CACNG1: variants seen among roughly 807,000 people sequenced by gnomAD.
CACNG1 encodes the protein voltage-dependent calcium channel gamma-1 subunit.
CACNG1 carries 21 observed loss-of-function variants against 22.0 expected under a neutral mutation model. The ratio of observed to expected loss-of-function variants is 0.95; its 90% CI spans 0.68 to 1.37. CACNG1 has a LOEUF of 1.37. CACNG1 is among the 40% of genes most tolerant of loss of function. CACNG1 has a pLI of 0.00. For missense variants in CACNG1, 291 were observed against 308.6 expected, an observed-to-expected ratio of 0.94 and a Z score of 0.43; for synonymous variants, 127 against 129.2, an observed-to-expected ratio of 0.98 and a Z score of 0.12.
In CACNG1 at chr17:67,055,917, A is replaced by G; in HGVS notation, c.443-128A>G. On this transcript the variant is annotated intron_variant, in intron 3 of 3. Transcript: ENST00000226021. The surrounding 1 kb of genome is among the most constrained non-coding windows in gnomAD (Gnocchi z 4.5). ...GATCCTTCTGCAGGTTCCCATCTAG[A>G]ACCTGCCTTGAGGCAGCTTTTCCCC... is the stretch of plus-strand genomic sequence containing the variant. 1.5e-6 allele frequency: 1 copy of G among 689,630 alleles called. No individual in the cohort carries two copies. The highest frequency in any genetic ancestry group is 2.5e-6 in the Non-Finnish European group (1 of 400,362). 42.7% of individuals were successfully genotyped at this position (689,630 alleles called of 1,614,324 possible).
Position 67,054,960 on chromosome 17 carries a change from A to G in CACNG1, c.305-143A>G. ...ACATACAATGACACACACAAGACAG[A>G]CACAGAGACACACACTTGACACACA... On this transcript the variant is annotated intron_variant, in intron 2 of 3. Coordinates refer to ENST00000226021, the MANE Select transcript of CACNG1 (RefSeq NM_000727.4). The surrounding 1 kb of genome is among the most constrained non-coding windows in gnomAD (Gnocchi z 4.6). The G allele has an allele frequency of 1.2e-6, 1 of 805,742 alleles. No individual in the cohort carries two copies. Among genetic ancestry groups the G allele is most frequent in the Non-Finnish European group, 1.9e-6 (1 of 517,268 alleles). 49.9% of individuals were successfully genotyped at this position (805,742 alleles called of 1,614,324 possible).
At chr17:67,052,300 G>A (rs1429627450) in intron 1 of CACNG1, among the ~76,000 whole-genome samples, 1 of 152,180 alleles carries the variant, frequency 6.6e-6, no homozygotes, top group African/African-American at 2.4e-5. Context: ...CCAGGAATGG[G>A]TACTGCTGCT....
intron 1 of CACNG1, 119 bp from the exon 2 acceptor site, chr17:67,053,877 G>T: frequency 1.3e-6 from 1 of 746,870 alleles, no homozygotes; most frequent in Non-Finnish European, 2.5e-6. Flanking sequence ...GATCTGGGGA[G>T]AAGAGAGGCT....
intron 1 of CACNG1, among the ~76,000 whole-genome samples, chr17:67,053,391 C>A (rs1268360525): frequency 6.6e-6 from 1 of 152,212 alleles, no homozygotes; most frequent in African/African-American, 2.4e-5. Flanking sequence ...CCAGGGTGTG[C>A]CTGGATTCTG....
At position 67,056,224 on chromosome 17, in the gene CACNG1, C is replaced by T. The variant is rs566817643; in HGVS notation, c.622C>T (p.Pro208Ser). ...ALLLFSLPRM[P>S]RNPWESCMDA... ...CCTGCTGTTCTCCCTGCCTCGAATGCCCCGGAACCCATGGGAGTCCTGCAT... is the reference window on the plus strand; with the variant it reads ...CCTGCTGTTCTCCCTGCCTCGAATGTCCCGGAACCCATGGGAGTCCTGCAT... Residue 208 changes from proline to serine, a missense_variant, in exon 4 of 4, where the codon CCC becomes TCC. By Grantham distance (74) the Pro-to-Ser change is moderately conservative. Transcript: ENST00000226021. This position sits in a 1 kb window ranked among gnomAD's most constrained non-coding sequence, Gnocchi z 4.3. The T allele has an allele frequency of 6.2e-7, 1 of 1,613,992 alleles. No homozygotes were observed. The highest frequency in any genetic ancestry group is 1.7e-5 in the Admixed American group (1 of 60,016).
rs111690102 is a variant in CACNG1 at position 67,055,274 on chromosome 17, G to A, written c.442+34G>A. 2.8e-5 allele frequency: 45 copies of A among 1,595,508 alleles called. No homozygotes were observed. Among genetic ancestry groups the A allele is most frequent in the African/African-American group, 2.3e-4 (17 of 74,626 alleles). On this transcript the variant is annotated intron_variant, in intron 3 of 3. Transcript: ENST00000226021. The surrounding 1 kb of genome is among the most constrained non-coding windows in gnomAD (Gnocchi z 4.5). ...GGGGATCTGCCTGAGCGCCGGGGCC[G>A]GGGGACCATGTCGCGGGGGATTCTC...
intron 1 of CACNG1, among the ~76,000 whole-genome samples, chr17:67,045,200 C>T (rs1226551358): frequency 6.6e-6 from 1 of 152,188 alleles, no homozygotes; most frequent in Non-Finnish European, 1.5e-5. Flanking sequence ...CTTCTGGGCC[C>T]CACCTGCTCA....
At position 67,054,791 on chromosome 17, in the gene CACNG1, C is replaced by T. The variant is rs1448615223; in HGVS notation, c.305-312C>T. Among the ~76,000 whole-genome samples the T allele has an allele frequency of 6.8e-6, 1 of 146,238 alleles. No individual in the cohort carries two copies. Among genetic ancestry groups the T allele is most frequent in the African/African-American group, 2.6e-5 (1 of 38,916 alleles). On this transcript the variant is annotated intron_variant, in intron 2 of 3. Coordinates refer to ENST00000226021, the MANE Select transcript of CACNG1 (RefSeq NM_000727.4). The surrounding 1 kb of genome is among the most constrained non-coding windows in gnomAD (Gnocchi z 4.6). ...AATGACACACAGTGACACACACAGA[C>T]ACACACTGACACACACGTACAATGA...
In CACNG1 at chr17:67,044,857, G is replaced by A. The variant is rs1378973150; in HGVS notation, c.197G>A (p.Ser66Asn). 6.2e-7 allele frequency: 1 copy of A among 1,613,282 alleles called. No individual in the cohort carries two copies. Among genetic ancestry groups the A allele is most frequent in the South Asian group, 1.1e-5 (1 of 91,086 alleles). ...ICTKRIPMDDSKTCGPITLPG... is the reference protein window; with the variant it reads ...ICTKRIPMDDNKTCGPITLPG... ...ACCAAGCGCATCCCCATGGACGACA[G>A]CAAGACCTGCGGGCCCATCACCCTG... Residue 66 changes from serine (S) to asparagine (N), a missense_variant, in exon 1 of 4, where the codon AGC becomes AAC. Coordinates refer to ENST00000226021, the MANE Select transcript of CACNG1 (RefSeq NM_000727.4). This position sits in a 1 kb window ranked among gnomAD's most constrained non-coding sequence, Gnocchi z 6.9.
Position 67,055,328 on chromosome 17 carries a change from T to A in CACNG1, c.442+88T>A. Reference sequence around the variant, plus strand: ...TCCACCCTCATGCCCACCGCGAGATTTGGGTGAGGGGCATTTCCCAGGCTC... The same window carrying A: ...TCCACCCTCATGCCCACCGCGAGATATGGGTGAGGGGCATTTCCCAGGCTC... On this transcript the variant is annotated intron_variant, in intron 3 of 3. Transcript: ENST00000226021. The surrounding 1 kb of genome is among the most constrained non-coding windows in gnomAD (Gnocchi z 4.5). 1 of 1,450,268 alleles carries A rather than the reference T, an allele frequency of 6.9e-7. No individual in the cohort carries two copies. The highest frequency in any genetic ancestry group is 2.2e-4 in the Middle Eastern group (1 of 4,450). The allele number at this position is 1,450,268 out of a possible 1,614,324, so 89.8% of individuals were successfully genotyped here.
rs1394124364 is a variant in CACNG1 at position 67,055,469 on chromosome 17, A to G, written c.442+229A>G. ...CCACGACTCAACCCTCAAGGCCCCA[A>G]AGAAACTGCCCAGAGAATGATTAAC... is the stretch of plus-strand genomic sequence containing the variant. On this transcript the variant is annotated intron_variant, in intron 3 of 3. Transcript: ENST00000226021. This position sits in a 1 kb window ranked among gnomAD's most constrained non-coding sequence, Gnocchi z 4.5. 1.3e-5 allele frequency among the ~76,000 whole-genome samples: 2 copies of G among 152,198 alleles called. No homozygotes were observed. Among genetic ancestry groups the G allele is most frequent in the African/African-American group, 4.8e-5 (2 of 41,452 alleles).
In CACNG1 at chr17:67,055,378, GC is replaced by G; in HGVS notation, c.442+140del. Reference sequence around the variant, plus strand: ...CCATCCCCATCCAGGGGCAAACCTGGCCAGGCCATCAGCGACTCCAGGTGGG... The same window carrying G: ...CCATCCCCATCCAGGGGCAAACCTGGCAGGCCATCAGCGACTCCAGGTGGG... On this transcript the variant is annotated intron_variant, in intron 3 of 3. Transcript: ENST00000226021. The surrounding 1 kb of genome is among the most constrained non-coding windows in gnomAD (Gnocchi z 4.5). The G allele has an allele frequency of 9.8e-7, 1 of 1,025,458 alleles. No homozygotes were observed. The highest frequency in any genetic ancestry group is 1.4e-6 in the Non-Finnish European group (1 of 720,816). The allele number at this position is 1,025,458 out of a possible 1,614,324, so 63.5% of individuals were successfully genotyped here.
rs2143423143 is a variant in CACNG1 at position 67,056,149 on chromosome 17, G to T, written c.547G>T (p.Ala183Ser). Residue 183 changes from alanine to serine, a missense_variant, in exon 4 of 4, where the codon GCC becomes TCC. Coordinates refer to ENST00000226021, the MANE Select transcript of CACNG1 (RefSeq NM_000727.4). This position sits in a 1 kb window ranked among gnomAD's most constrained non-coding sequence, Gnocchi z 4.3. ...WIEYYYSWSF[A>S]CACAAFILLF... The stretch of plus-strand genomic sequence containing the variant: ...CGAGTACTATTACTCCTGGTCCTTT[G>T]CCTGCGCCTGTGCCGCCTTCATCCT... 1 of 1,613,882 alleles carries T rather than the reference G, an allele frequency of 6.2e-7. No homozygotes were observed.
At chr17:67,047,243 A>G (rs955711200) in intron 1 of CACNG1, among the ~76,000 whole-genome samples, 13 of 152,320 alleles carry the variant, frequency 8.5e-5, no homozygotes, top group African/African-American at 2.6e-4. Flanking sequence ...AGAACCTCCA[A>G]AAATAATCTT....
Position 67,056,283 on chromosome 17 carries a change from C to A in CACNG1, c.*12C>A. 6.2e-7 allele frequency: 1 copy of A among 1,609,426 alleles called. No individual in the cohort carries two copies. Among genetic ancestry groups the A allele is most frequent in the Non-Finnish European group, 8.5e-7 (1 of 1,176,340 alleles). On this transcript the variant is annotated 3_prime_UTR_variant, in exon 4 of 4. Transcript: ENST00000226021. This position sits in a 1 kb window ranked among gnomAD's most constrained non-coding sequence, Gnocchi z 4.3. ...AGCCCGAGCACTAACCCTCCTGCGG[C>A]CCTAGCGACCCTCAGGCTTCTTCCC...
rs557319403 is a variant in CACNG1, at chr17:67,055,181, C to T, written c.383C>T (p.Ser128Phe). Residue 128 changes from serine (S) to phenylalanine (F), a missense_variant, in exon 3 of 4, where the codon TCC becomes TTC. By Grantham distance (155) the Ser-to-Phe change is radical. Coordinates refer to ENST00000226021, the MANE Select transcript of CACNG1 (RefSeq NM_000727.4). The surrounding 1 kb of genome is among the most constrained non-coding windows in gnomAD (Gnocchi z 4.5). ...IILGSLCVLL[S>F]LGKKRDYLLR... is the part of the protein sequence containing the mutation. ...CTGGGCAGCCTCTGTGTCCTCCTGT[C>T]CCTCGGGAAGAAGAGGGACTATCTG... is the stretch of plus-strand genomic sequence containing the variant. The T allele has an allele frequency of 1.2e-6, 2 of 1,614,220 alleles. No homozygotes were observed. The highest frequency in any genetic ancestry group is 2.2e-5 in the South Asian group (2 of 91,088).
rs746930490 is a variant in CACNG1 at position 67,056,178 on chromosome 17, C to G, written c.576C>G (p.Leu192=). 2 of 1,614,062 alleles carry G rather than the reference C, an allele frequency of 1.2e-6. No individual in the cohort carries two copies. The highest frequency in any genetic ancestry group is 1.7e-5 in the Admixed American group (1 of 60,028). ...FACACAAFIL[L]FLGGLALLLF... ...GCGCCTGTGCCGCCTTCATCCTCCTCTTTCTCGGCGGTCTCGCCCTCCTGC... is the reference window on the plus strand; with the variant it reads ...GCGCCTGTGCCGCCTTCATCCTCCTGTTTCTCGGCGGTCTCGCCCTCCTGC... Residue 192 remains leucine (L), a synonymous_variant, in exon 4 of 4, where the codon CTC becomes CTG. Coordinates refer to ENST00000226021, the MANE Select transcript of CACNG1 (RefSeq NM_000727.4). This position sits in a 1 kb window ranked among gnomAD's most constrained non-coding sequence, Gnocchi z 4.3.
At position 67,056,094 on chromosome 17, in the gene CACNG1, C is replaced by T. The variant is rs1462021372; in HGVS notation, c.492C>T (p.Arg164=). ...AGGTCATGCGGCAGTCGGTGAAGCG[C>T]ATGATTGACAGTGAGGACACCGTCT... is the stretch of plus-strand genomic sequence containing the variant. ...SVEVMRQSVK[R]MIDSEDTVWI... is the part of the protein sequence containing the mutation. The change falls in exon 4 of 4, where the codon CGC becomes CGT. Residue 164 remains arginine, a synonymous_variant. Coordinates refer to ENST00000226021, the MANE Select transcript of CACNG1 (RefSeq NM_000727.4). The surrounding 1 kb of genome is among the most constrained non-coding windows in gnomAD (Gnocchi z 4.3). 1 of 1,613,448 alleles carries T rather than the reference C, an allele frequency of 6.2e-7. No individual in the cohort carries two copies. Among genetic ancestry groups the T allele is most frequent in the African/African-American group, 1.3e-5 (1 of 74,882 alleles).
intron 1 of CACNG1, among the ~76,000 whole-genome samples, chr17:67,045,784 G>T (rs2035693548): frequency 6.6e-6 from 1 of 151,852 alleles, no homozygotes; most frequent in Admixed American, 6.5e-5. Flanking sequence ...TGGCCTCCCA[G>T]AGTGCTGGGA....
Sources: gnomAD v4.1 joint callset for allele counts (sites outside exome capture counted in the v4.1 genomes callset) on GRCh38, gnomAD v4.1.1 for gene constraint, Gnocchi (gnomAD v3.1) non-coding constraint, MANE v1.5 for transcripts, NCBI Gene and HGNC (gene_info 2026-07-23, HGNC 2026-07-21) for gene names.